Variants in MCF2L2 observed in about 807,000 individuals in gnomAD.
The protein encoded by MCF2L2 is MCF.2 cell line derived transforming sequence-like 2, also known as probable guanine nucleotide exchange factor MCF2L2.
A neutral mutation model predicts 150.2 loss-of-function variants in MCF2L2; 102 were observed. The ratio of observed to expected loss-of-function variants is 0.68; its 90% CI spans 0.58 to 0.80. The LOEUF (loss-of-function observed/expected upper bound fraction) is 0.80, where lower values mean the gene tolerates loss of function less well. Ranked by LOEUF, MCF2L2 falls within the 30% of genes least tolerant of loss-of-function variation. The pLI, the probability that MCF2L2 is intolerant of heterozygous loss-of-function variation, is 0.00. For missense variants in MCF2L2, 1,256 were observed against 1,372.8 expected, an observed-to-expected ratio of 0.91 and a Z score of 1.34; for synonymous variants, 465 against 491.3, an observed-to-expected ratio of 0.95 and a Z score of 0.71.
intron 27 of MCF2L2, among the ~76,000 whole-genome samples, chr3:183,180,918 C>T (rs1426445451): frequency 1.3e-5 from 2 of 152,238 alleles, no homozygotes; most frequent in Non-Finnish European, 2.9e-5. Flanking sequence ...GCTCTTTACC[C>T]TCGCTCTGAG....
In MCF2L2 at chr3:183,197,569, T is replaced by C. The variant is rs960683742; in HGVS notation, c.2885-2314A>G. Among the ~76,000 whole-genome samples, 45 of 152,314 alleles carry C rather than the reference T, an allele frequency of 3.0e-4. No homozygotes were observed. The highest frequency in any genetic ancestry group is 9.9e-4 in the African/African-American group (41 of 41,582). On this transcript the variant is annotated intron_variant, in intron 25 of 29. Transcript: ENST00000328913. This position sits in a 1 kb window ranked among gnomAD's most constrained non-coding sequence, Gnocchi z 4.5. ...TTATGGCTTTTAGATAACGATTTCT[T>C]AGGCAGGATACCGAAAACATGATAC...
intron 3 of MCF2L2, among the ~76,000 whole-genome samples, chr3:183,370,285 G>A (rs776510313): frequency 3.3e-4 from 50 of 152,094 alleles, no homozygotes; most frequent in African/African-American, 1.1e-3. Flanking sequence ...CTACACTGTC[G>A]TGTGGAACCA....
At chr3:183,390,767 T>G (rs1425958602) in intron 1 of MCF2L2, among the ~76,000 whole-genome samples, 3 of 152,118 alleles carry the variant, frequency 2.0e-5, no homozygotes, top group African/African-American at 7.2e-5. Context: ...CATGGTGATG[T>G]ATGCCTGCGG....
At chr3:183,224,252 G>T in intron 18 of MCF2L2, 62 bp from the exon 19 acceptor site, 1 of 1,056,910 alleles carries the variant, frequency 9.5e-7, no homozygotes, top group Non-Finnish European at 1.5e-6. Context: ...TGGACAGGAT[G>T]ATACAGTTTA....
At chr3:183,342,683 T>C (rs1465486572) in intron 3 of MCF2L2, among the ~76,000 whole-genome samples, 1 of 150,254 alleles carries the variant, frequency 6.7e-6, no homozygotes, top group African/African-American at 2.4e-5. Flanking sequence ...TGCATATATG[T>C]ACAAACATGT....
intron 2 of MCF2L2, 31 bp from the exon 3 acceptor site, chr3:183,379,442 G>T: frequency 6.7e-7 from 1 of 1,500,366 alleles, no homozygotes. Context: ...CAAAATGTTA[G>T]CAAAATGTTG....
Position 183,224,106 on chromosome 3 carries a change from A to C in MCF2L2, c.2200T>G (p.Tyr734Asp). ...TGTCTTCTCAACATTACCCCAAAGT[A>C]GGCGCAGTCTTGACACTCTTGCCAG... ...AIWQECQDCA[Y>D]FGVCQRQLDH... is the part of the protein sequence containing the mutation. Residue 734 changes from tyrosine (Y) to aspartate (D), a missense_variant, in exon 19 of 30, where the codon TAC becomes GAC. Transcript: ENST00000328913. The C allele has an allele frequency of 6.2e-7, 1 of 1,613,214 alleles. No individual in the cohort carries two copies. Among genetic ancestry groups the C allele is most frequent in the Non-Finnish European group, 8.5e-7 (1 of 1,179,160 alleles).
intron 2 of MCF2L2, among the ~76,000 whole-genome samples, chr3:183,383,695 C>G: frequency 6.6e-6 from 1 of 152,206 alleles, no homozygotes. Flanking sequence ...TGTGGAAATA[C>G]ATACTATTGA....
intron 19 of MCF2L2, 49 bp from the exon 20 acceptor site, chr3:183,223,487 C>A: frequency 7.1e-7 from 1 of 1,409,530 alleles, no homozygotes; most frequent in Non-Finnish European, 1.0e-6. Context: ...ACAACACACA[C>A]AGAATAAAAG....
intron 21 of MCF2L2, among the ~76,000 whole-genome samples, chr3:183,217,612 C>T (rs879212387): frequency 6.6e-6 from 1 of 152,136 alleles, no homozygotes; most frequent in Admixed American, 6.5e-5. Context: ...CCTATAGAGA[C>T]AAAGAACTCC....
At chr3:183,345,097 C>A (rs574974664) in intron 3 of MCF2L2, among the ~76,000 whole-genome samples, 8 of 152,294 alleles carry the variant, frequency 5.3e-5, no homozygotes, top group African/African-American at 1.7e-4. Flanking sequence ...ACTCTCCACC[C>A]CAAATCAACA....
At chr3:183,390,509 A>C (rs1714081081) in intron 1 of MCF2L2, among the ~76,000 whole-genome samples, 1 of 152,092 alleles carries the variant, frequency 6.6e-6, no homozygotes, top group Admixed American at 6.6e-5. Flanking sequence ...TTTGGGGAAA[A>C]GGAATTAGAG....
chr3:183,315,971 G>C (rs759471535), intron 7 of MCF2L2, among the ~76,000 whole-genome samples: 2 of 152,210 alleles, frequency 1.3e-5, no homozygotes, highest in African/African-American at 4.8e-5. Flanking sequence ...TTGAGGCAAA[G>C]AACGCACCGT....
intron 15 of MCF2L2, among the ~76,000 whole-genome samples, chr3:183,268,084 A>G (rs1390345051): frequency 6.6e-6 from 1 of 152,236 alleles, no homozygotes; most frequent in East Asian, 1.9e-4. Flanking sequence ...CAGGCTTCCC[A>G]GAGAAGGATG....
chr3:183,331,345 C>T (rs915340862), intron 5 of MCF2L2, among the ~76,000 whole-genome samples: 4 of 152,184 alleles, frequency 2.6e-5, no homozygotes, highest in Admixed American at 6.5e-5. Flanking sequence ...GAGGTGACCC[C>T]GACCCCTGGA....
chr3:183,364,687 G>C (rs911094929), intron 3 of MCF2L2, among the ~76,000 whole-genome samples: 1 of 152,022 alleles, frequency 6.6e-6, no homozygotes, highest in African/African-American at 2.4e-5. Flanking sequence ...GGAAAGCACA[G>C]GTACACAAAA....
chr3:183,328,098 A>C (rs1219088291), intron 5 of MCF2L2, among the ~76,000 whole-genome samples: 3 of 152,206 alleles, frequency 2.0e-5, no homozygotes, highest in Non-Finnish European at 4.4e-5. Context: ...ACTCTAGAAC[A>C]AGGAGATTTA....
At chr3:183,191,084 C>T (rs1348303155) in intron 27 of MCF2L2, among the ~76,000 whole-genome samples, 1 of 152,072 alleles carries the variant, frequency 6.6e-6, no homozygotes, top group Non-Finnish European at 1.5e-5. Flanking sequence ...TCATGTTGGC[C>T]TGGCTAGTCT....
intron 9 of MCF2L2, 154 bp downstream of exon 9, chr3:183,310,761 G>A: frequency 1.7e-6 from 1 of 603,676 alleles, no homozygotes; most frequent in South Asian, 2.1e-5. Flanking sequence ...AGTGAGAAGG[G>A]GGTTGGAGGG....
Sources: allele counts gnomAD v4.1 joint callset (sites outside exome capture counted in the v4.1 genomes callset), GRCh38; gene constraint gnomAD v4.1.1; non-coding constraint Gnocchi (gnomAD v3.1); transcripts MANE v1.5; gene names NCBI Gene and HGNC (gene_info 2026-07-23, HGNC 2026-07-21).